SLC22A23: variants seen among roughly 807,000 people sequenced by gnomAD.
SLC22A23 encodes solute carrier family 22 member 23, also known as ion transporter protein.
A neutral mutation model predicts 61.0 loss-of-function variants in SLC22A23; 26 were observed. That is an observed-to-expected ratio of 0.43 (90% confidence interval 0.31 to 0.59). SLC22A23 has a LOEUF of 0.59. SLC22A23 is among the 20% of genes least tolerant of loss of function. The pLI, the probability that SLC22A23 is intolerant of heterozygous loss-of-function variation, is 0.11. For synonymous variants in SLC22A23, 430 were observed against 413.9 expected, an observed-to-expected ratio of 1.04 and a Z score of -0.47; for missense variants, 796 against 934.7, an observed-to-expected ratio of 0.85 and a Z score of 1.94.
At chr6:3,332,962 T>C (rs1353579221) in intron 3 of SLC22A23, among the ~76,000 whole-genome samples, 5 of 152,176 alleles carry the variant, frequency 3.3e-5, no homozygotes, top group African/African-American at 1.2e-4. Flanking sequence ...AACTGGAAGC[T>C]CCACCTAATG....
intron 3 of SLC22A23, among the ~76,000 whole-genome samples, chr6:3,332,631 T>C (rs1001114507): frequency 7.9e-5 from 12 of 152,218 alleles, no homozygotes; most frequent in Non-Finnish European, 1.8e-4. Context: ...TGAAATCATG[T>C]CATTCTACTT....
chr6:3,296,336 C>T (rs1761091579), intron 5 of SLC22A23, among the ~76,000 whole-genome samples: 1 of 152,194 alleles, frequency 6.6e-6, no homozygotes, highest in African/African-American at 2.4e-5. Context: ...CTGGACTTTG[C>T]ACCCCTGCTG....
chr6:3,294,654 G>T (rs1024705558), intron 5 of SLC22A23, among the ~76,000 whole-genome samples: 1 of 152,128 alleles, frequency 6.6e-6, no homozygotes, highest in Non-Finnish European at 1.5e-5. Context: ...TGCTTTAAAC[G>T]CTCAAAACCT....
intron 4 of SLC22A23, chr6:3,313,777 T>C (rs1478401134): frequency 6.6e-6 from 1 of 151,156 alleles, no homozygotes; most frequent in Non-Finnish European, 1.5e-5. Flanking sequence ...TCCCAGCATT[T>C]TGGGAGGCCA....
chr6:3,287,262 G>A (rs928252420), intron 6 of SLC22A23, among the ~76,000 whole-genome samples, 171 bp from the exon 7 acceptor site: 6 of 152,236 alleles, frequency 3.9e-5, no homozygotes, highest in Non-Finnish European at 8.8e-5. Context: ...CAATGCAAAA[G>A]AGGAGACGTG....
intron 7 of SLC22A23, 137 bp from the exon 8 acceptor site, chr6:3,285,248 G>C (rs776360605): frequency 3.9e-5 from 48 of 1,233,270 alleles, no homozygotes; most frequent in Non-Finnish European, 5.4e-5. Flanking sequence ...TTCCGTGTCT[G>C]GGATGGCGCT....
chr6:3,349,397 C>T (rs1415708952), intron 3 of SLC22A23, among the ~76,000 whole-genome samples: 8 of 152,194 alleles, frequency 5.3e-5, no homozygotes, highest in Non-Finnish European at 1.2e-4. Context: ...AAATTGACTC[C>T]TACCACCAAA....
chr6:3,299,019 G>A (rs898683859), intron 4 of SLC22A23, among the ~76,000 whole-genome samples: 2 of 149,548 alleles, frequency 1.3e-5, no homozygotes, highest in East Asian at 2.0e-4. Flanking sequence ...ACAAAAAAGT[G>A]ATATTTGCGA....
At chr6:3,341,332 T>C (rs1440457846) in intron 3 of SLC22A23, among the ~76,000 whole-genome samples, 2 of 152,198 alleles carry the variant, frequency 1.3e-5, no homozygotes, top group African/African-American at 4.8e-5. Context: ...AAGATTTTGT[T>C]CCAAAAGCCT....
chr6:3,329,667 G>A lies in SLC22A23; in HGVS notation c.914-5665C>T, dbSNP rs1450398574. Among the ~76,000 whole-genome samples the A allele has an allele frequency of 1.1e-4, 16 of 152,122 alleles. 1 individual carries two copies. On this transcript the variant is annotated intron_variant, in intron 3 of 9. Transcript: ENST00000406686. The surrounding 1 kb of genome is among the most constrained non-coding windows in gnomAD (Gnocchi z 4.8). ...TGTCCTTGCAGCCAAGGTAGGTAAC[G>A]ATCGTACCTACCACATGAGGTGGTC...
At chr6:3,449,188 C>G (rs1772055433) in intron 1 of SLC22A23, among the ~76,000 whole-genome samples, 1 of 152,070 alleles carries the variant, frequency 6.6e-6, no homozygotes, top group African/African-American at 2.4e-5. Context: ...ATCTCCAACC[C>G]CAAAATAAAG....
chr6:3,300,752 A>G (rs552119682), intron 4 of SLC22A23, among the ~76,000 whole-genome samples: 61 of 152,180 alleles, frequency 4.0e-4, no homozygotes, highest in Admixed American at 7.9e-4. Flanking sequence ...AAAAAGTCCA[A>G]ATTTCTATTT....
chr6:3,397,900 C>G (rs61347018), intron 3 of SLC22A23, among the ~76,000 whole-genome samples: 4 of 152,126 alleles, frequency 2.6e-5, no homozygotes, highest in African/African-American at 9.7e-5. Context: ...GACACAATCA[C>G]GCTCCAAGCA....
chr6:3,280,914 G>A (rs1002818596), intron 9 of SLC22A23, among the ~76,000 whole-genome samples: 4 of 152,138 alleles, frequency 2.6e-5, no homozygotes, highest in Non-Finnish European at 5.9e-5. Context: ...AGATGTCAGG[G>A]AGTCGTCAGT....
At chr6:3,391,811 A>T (rs1315530849) in intron 3 of SLC22A23, among the ~76,000 whole-genome samples, 1 of 152,076 alleles carries the variant, frequency 6.6e-6, no homozygotes, top group Non-Finnish European at 1.5e-5. Flanking sequence ...AGAAAGTTCC[A>T]CAGGCATCAA....
intron 1 of SLC22A23, among the ~76,000 whole-genome samples, chr6:3,416,212 T>C (rs1316280045): frequency 6.6e-6 from 1 of 152,226 alleles, no homozygotes; most frequent in East Asian, 1.9e-4. Flanking sequence ...TCCCTCACCA[T>C]GAAGAGCTGC....
At chr6:3,323,439 G>A (rs1561897863) in intron 4 of SLC22A23, 4 of 425,084 alleles carry the variant, frequency 9.4e-6, no homozygotes, top group South Asian at 1.7e-5. Context: ...GAGATAGGGG[G>A]ACTTTTGTAA....
chr6:3,336,799 CTTT>C (rs35612904), intron 3 of SLC22A23, among the ~76,000 whole-genome samples: 4 of 131,600 alleles, frequency 3.0e-5, no homozygotes, highest in Admixed American at 7.6e-5. Context: ...CTGTAGTAGG[CTTT>C]TTTTTTTTTT....
chr6:3,429,903 G>A (rs1770748189), intron 1 of SLC22A23, among the ~76,000 whole-genome samples: 1 of 152,154 alleles, frequency 6.6e-6, no homozygotes, highest in African/African-American at 2.4e-5. Context: ...GGGGTGAGTG[G>A]GGATGAGTTA....
Sources: allele counts gnomAD v4.1 joint callset (sites outside exome capture counted in the v4.1 genomes callset), GRCh38; gene constraint gnomAD v4.1.1; non-coding constraint Gnocchi (gnomAD v3.1); transcripts MANE v1.5; gene names NCBI Gene and HGNC (gene_info 2026-07-23, HGNC 2026-07-21).